Variants in FLT1 observed in about 807,000 individuals in gnomAD.
FLT1 encodes the protein fms related receptor tyrosine kinase 1.
In FLT1, 49 loss-of-function variants were observed where a neutral mutation model predicts 156.3. The ratio of observed to expected loss-of-function variants is 0.31; its 90% CI spans 0.25 to 0.40. FLT1 has a LOEUF of 0.40. Ranked by LOEUF, FLT1 falls within the 10% of genes least tolerant of loss-of-function variation. FLT1 has a pLI of 1.00. For synonymous variants in FLT1, 594 were observed against 583.8 expected, an observed-to-expected ratio of 1.02 and a Z score of -0.25; for missense variants, 1,322 against 1,637.2, an observed-to-expected ratio of 0.81 and a Z score of 3.32.
At position 28,401,192 on chromosome 13, in the gene FLT1, C is replaced by CATAA. The variant is rs1211982342; in HGVS notation, c.1552-4128_1552-4125dup. On this transcript the variant is annotated intron_variant, in intron 11 of 29. Coordinates refer to ENST00000282397, the MANE Select transcript of FLT1 (RefSeq NM_002019.4). ...AGTGAGCCGAGATCATGCCAAAATA[C>CATAA]ATAAATAAATAAATAAATAAATAAA... Among the ~76,000 whole-genome samples, 718 of 152,196 alleles carry CATAA rather than the reference C, an allele frequency of 4.7e-3. 8 individuals carry two copies. The highest frequency in any genetic ancestry group is 0.013 in the African/African-American group (560 of 41,530).
intron 1 of FLT1, among the ~76,000 whole-genome samples, chr13:28,488,631 G>A (rs2137669934): frequency 6.6e-6 from 1 of 152,310 alleles, no homozygotes; most frequent in African/African-American, 2.4e-5. Flanking sequence ...TGTGGGCCGG[G>A]ATGGGGGTGA....
At position 28,302,054 on chromosome 13, in the gene FLT1, TTTGG is replaced by T; in HGVS notation, c.*1109_*1112del. The T allele has an allele frequency of 4.3e-6, 1 of 233,460 alleles. No individual in the cohort carries two copies. Among genetic ancestry groups the T allele is most frequent in the South Asian group, 1.8e-4 (1 of 5,524 alleles). The allele number at this position is 233,460 out of a possible 1,614,324, so 14.5% of individuals were successfully genotyped here. A position where few individuals can be genotyped will look rare whatever the true frequency, so the allele number is the denominator to read the frequency against. ...GGTCCCAACTGTGTTGGTGAATTGG[TTTGG>T]TTGGTATAGAGACGGGGTTTTCCCT... is the stretch of plus-strand genomic sequence containing the variant. On this transcript the variant is annotated 3_prime_UTR_variant, in exon 30 of 30. Transcript: ENST00000282397.
At chr13:28,390,487 C>T (rs1874645671) in intron 12 of FLT1, among the ~76,000 whole-genome samples, 1 of 152,146 alleles carries the variant, frequency 6.6e-6, no homozygotes, top group South Asian at 2.1e-4. Context: ...CCTCCACCTC[C>T]AGGGTTCAAG....
Position 28,379,337 on chromosome 13 carries a change from A to AAAAAC in FLT1, c.2116+5543_2116+5547dup, listed in dbSNP as rs1482460744. On this transcript the variant is annotated intron_variant, in intron 14 of 29. Coordinates refer to ENST00000282397, the MANE Select transcript of FLT1 (RefSeq NM_002019.4). ...CGACAGCGCAAGACTCCATCTCAAA[A>AAAAAC]AAAACAAAACAAAACAAAAAAGCAT... 3.9e-5 allele frequency among the ~76,000 whole-genome samples: 6 copies of AAAAAC among 152,206 alleles called. No homozygotes were observed. In the East Asian group the frequency reaches 1.2e-3, roughly 29 times the overall value.
chr13:28,397,148 T>C (rs1366243565), intron 11 of FLT1, 80 bp from the exon 12 acceptor site: 3 of 810,972 alleles, frequency 3.7e-6, no homozygotes, highest in Non-Finnish European at 6.4e-6. Flanking sequence ...GAGGTTGAAA[T>C]GATTCAGCTA....
intron 25 of FLT1, among the ~76,000 whole-genome samples, chr13:28,315,374 G>A (rs1019268254): frequency 6.6e-6 from 1 of 152,162 alleles, no homozygotes; most frequent in Non-Finnish European, 1.5e-5. Flanking sequence ...GGCCAACATG[G>A]AGAAACCCCA....
At chr13:28,399,781 T>C (rs1223787368) in intron 11 of FLT1, among the ~76,000 whole-genome samples, 1 of 152,200 alleles carries the variant, frequency 6.6e-6, no homozygotes, top group African/African-American at 2.4e-5. Flanking sequence ...CCAGAAATCA[T>C]GTCTCCAAAG....
chr13:28,350,660 G>A (rs1420281038), intron 15 of FLT1, among the ~76,000 whole-genome samples: 1 of 152,032 alleles, frequency 6.6e-6, no homozygotes, highest in African/African-American at 2.4e-5. Context: ...TTCCCAAGGA[G>A]TTAAGGAAAC....
In FLT1 at chr13:28,422,809, T is replaced by C. The variant is rs71433266; in HGVS notation, c.1436+4350A>G. Among the ~76,000 whole-genome samples the C allele has an allele frequency of 3.7e-3, 568 of 152,326 alleles. 1 individual carries two copies. The highest frequency in any genetic ancestry group is 5.6e-3 in the Non-Finnish European group (378 of 68,016). ...GACTTTCAACATCTTAGATTCTTCC[T>C]GAGAAAACAGTGATCTGCAGCACAA... On this transcript the variant is annotated intron_variant, in intron 10 of 29. Coordinates refer to ENST00000282397, the MANE Select transcript of FLT1 (RefSeq NM_002019.4).
At chr13:28,428,873 G>C (rs1877509332) in intron 8 of FLT1, among the ~76,000 whole-genome samples, 1 of 152,154 alleles carries the variant, frequency 6.6e-6, no homozygotes, top group South Asian at 2.1e-4. Context: ...CAGATCCAAA[G>C]TAATTAAAAT....
At chr13:28,314,701 G>A (rs1489952138) in intron 25 of FLT1, among the ~76,000 whole-genome samples, 1 of 152,226 alleles carries the variant, frequency 6.6e-6, no homozygotes, top group African/African-American at 2.4e-5. Flanking sequence ...CCTACTGTTA[G>A]AACAAACAAG....
intron 10 of FLT1, among the ~76,000 whole-genome samples, chr13:28,419,372 C>T (rs1466429676): frequency 1.3e-5 from 2 of 152,208 alleles, no homozygotes; most frequent in African/African-American, 4.8e-5. Context: ...GTGATTTGTT[C>T]TACTTATCTA....
Position 28,431,283 on chromosome 13 carries a change from G to T in FLT1, c.841C>A (p.Arg281=). The T allele has an allele frequency of 1.2e-6, 2 of 1,613,596 alleles. No individual in the cohort carries two copies. Among genetic ancestry groups the T allele is most frequent in the Non-Finnish European group, 1.7e-6 (2 of 1,179,542 alleles). ...EKNKRASVRR[R]IDQSNSHANI... is the part of the protein sequence containing the mutation. ...GCATGGGAATTGCTTTGGTCAATTC[G>T]TCGCCTTACGGAAGCTCTCTTATTT... Residue 281 remains arginine, a synonymous_variant, in exon 7 of 30, where the codon CGA becomes AGA. Transcript: ENST00000282397.
chr13:28,322,356 G>A lies in FLT1; in HGVS notation c.2957C>T (p.Ser986Phe), dbSNP rs757344268. ...SLSDVEEEED[S>F]DGFYKEPITM... ...GATGGGCTCCTTGTAGAAACCGTCA[G>A]AATCTGGAAAGCATTAGAACCGTAA... The change falls in exon 22 of 30, where the codon TCT (serine) becomes TTT (phenylalanine). Residue 986 changes from serine (S) to phenylalanine (F), a missense_variant. Transcript: ENST00000282397. This position sits in a 1 kb window ranked among gnomAD's most constrained non-coding sequence, Gnocchi z 4.3. 1.2e-6 allele frequency: 2 copies of A among 1,605,254 alleles called. No homozygotes were observed. The highest frequency in any genetic ancestry group is 1.7e-5 in the Admixed American group (1 of 60,014).
At chr13:28,317,365 A>G in intron 25 of FLT1, 133 bp downstream of exon 25, 5 of 729,536 alleles carry the variant, frequency 6.9e-6, no homozygotes, top group Admixed American at 2.0e-5. Flanking sequence ...TGAGGGGAGC[A>G]TCTCTAAAGG....
At position 28,330,590 on chromosome 13, in the gene FLT1, A is replaced by ATATATATATATATATATCATATATATAT. The variant is rs1871886250; in HGVS notation, c.2594-890_2594-863dup. On this transcript the variant is annotated intron_variant, in intron 18 of 29. Coordinates refer to ENST00000282397, the MANE Select transcript of FLT1 (RefSeq NM_002019.4). ...TTATAAATATTCAATCAGAGGTCCTATATATATATATATATATCATATATA... is the reference window on the plus strand; with the variant it reads ...TTATAAATATTCAATCAGAGGTCCTATATATATATATATATATCATATATATATTATATATATATATATATCATATATA... Among the ~76,000 whole-genome samples the ATATATATATATATATATCATATATATAT allele has an allele frequency of 9.9e-4, 10 of 10,104 alleles. No homozygotes were observed. The Admixed American group carries it at 0.012, about 12-fold the overall frequency. The allele number at this position is 10,104 out of a possible 152,430, so 6.6% of individuals were successfully genotyped here.
intron 14 of FLT1, among the ~76,000 whole-genome samples, chr13:28,378,138 T>A (rs1873923882): frequency 6.6e-6 from 1 of 150,806 alleles, no homozygotes; most frequent in African/African-American, 2.4e-5. Context: ...AACCTTCGCC[T>A]CCCGGGTTCA....
At chr13:28,454,427 G>A (rs992850284) in intron 3 of FLT1, among the ~76,000 whole-genome samples, 2 of 152,174 alleles carry the variant, frequency 1.3e-5, no homozygotes, top group African/African-American at 4.8e-5. Flanking sequence ...CGTCCTAAAT[G>A]TTTTGCACAT....
intron 18 of FLT1, among the ~76,000 whole-genome samples, chr13:28,330,704 C>A (rs1240214576): frequency 2.0e-5 from 3 of 150,078 alleles, no homozygotes; most frequent in African/African-American, 7.3e-5. Context: ...CTTTTTATTT[C>A]TTTTTATTTT....
Sources: gnomAD v4.1 joint callset for allele counts (sites outside exome capture counted in the v4.1 genomes callset) on GRCh38, gnomAD v4.1.1 for gene constraint, Gnocchi (gnomAD v3.1) non-coding constraint, MANE v1.5 for transcripts, NCBI Gene and HGNC (gene_info 2026-07-23, HGNC 2026-07-21) for gene names.